ZNF423: variants seen among roughly 807,000 people sequenced by gnomAD.
ZNF423 encodes the protein zinc finger protein 423.
In ZNF423, 12 loss-of-function variants were observed where a neutral mutation model predicts 95.8. That is an observed-to-expected ratio of 0.13 (90% CI 0.08 to 0.20). ZNF423 has a LOEUF of 0.20. Ranked by LOEUF, ZNF423 falls within the 10% of genes least tolerant of loss-of-function variation. ZNF423 has a pLI of 1.00. For missense variants in ZNF423, 1,316 were observed against 1,737.1 expected, an observed-to-expected ratio of 0.76 and a Z score of 4.31; for synonymous variants, 749 against 711.9, an observed-to-expected ratio of 1.05 and a Z score of -0.83.
intron 7 of ZNF423, among the ~76,000 whole-genome samples, chr16:49,509,898 C>T (rs1967811565): frequency 6.6e-6 from 1 of 152,252 alleles, no homozygotes; most frequent in African/African-American, 2.4e-5. Flanking sequence ...AACAGCAGCA[C>T]TGGCTTCATA....
At chr16:49,709,623 T>C (rs1428630283) in intron 3 of ZNF423, among the ~76,000 whole-genome samples, 2 of 152,172 alleles carry the variant, frequency 1.3e-5, no homozygotes, top group Non-Finnish European at 1.5e-5. Context: ...AAAATTTGTA[T>C]GTTGAAACCT....
intron 3 of ZNF423, among the ~76,000 whole-genome samples, chr16:49,685,072 C>A (rs2031512085): frequency 6.6e-6 from 1 of 152,144 alleles, no homozygotes; most frequent in African/African-American, 2.4e-5. Flanking sequence ...AGGCTGCCCC[C>A]ATCTGGGGCC....
At chr16:49,808,907 G>A (rs2034707474) in intron 1 of ZNF423, among the ~76,000 whole-genome samples, 1 of 152,164 alleles carries the variant, frequency 6.6e-6, no homozygotes, top group Non-Finnish European at 1.5e-5. Context: ...CAAGGCTCAG[G>A]GGAAGCCAAG....
chr16:49,842,680 C>T (rs909634005), intron 1 of ZNF423, among the ~76,000 whole-genome samples: 17 of 151,934 alleles, frequency 1.1e-4, no homozygotes, highest in Middle Eastern at 3.4e-3. Flanking sequence ...AAAAAGAAAA[C>T]GGAAAGAGAA....
At chr16:49,538,807 G>A (rs542895259) in intron 5 of ZNF423, among the ~76,000 whole-genome samples, 4 of 152,292 alleles carry the variant, frequency 2.6e-5, no homozygotes, top group East Asian at 3.9e-4. Context: ...AGGAGTTTTC[G>A]TTGCACCCAA....
intron 7 of ZNF423, among the ~76,000 whole-genome samples, chr16:49,507,881 T>C (rs1352456091): frequency 1.3e-5 from 2 of 152,214 alleles, no homozygotes; most frequent in Admixed American, 6.5e-5. Context: ...AGGCCAGTTG[T>C]GGGCTGTGTT....
intron 5 of ZNF423, among the ~76,000 whole-genome samples, chr16:49,585,192 A>G (rs1312131754): frequency 1.3e-5 from 2 of 152,214 alleles, no homozygotes; most frequent in African/African-American, 4.8e-5. Flanking sequence ...CAGGGTAGCA[A>G]GACCTGATGG....
intron 7 of ZNF423, among the ~76,000 whole-genome samples, chr16:49,519,109 A>G (rs761348053): frequency 1.1e-4 from 16 of 152,168 alleles, no homozygotes; most frequent in Non-Finnish European, 8.8e-5. Flanking sequence ...ATGTATCTGC[A>G]GTTGCCTTTT....
At chr16:49,768,803 C>T (rs77196162) in intron 2 of ZNF423, among the ~76,000 whole-genome samples, 4,204 of 152,120 alleles carry the variant, frequency 0.028, 188 homozygotes, top group African/African-American at 0.096. Flanking sequence ...TTGGTCCCAT[C>T]CTCCCCCGAT....
At chr16:49,743,347 C>T (rs2033454638) in intron 2 of ZNF423, among the ~76,000 whole-genome samples, 2 of 152,160 alleles carry the variant, frequency 1.3e-5, no homozygotes. Flanking sequence ...CTTATCATAG[C>T]AGTCCTCATG....
chr16:49,617,075 C>A (rs1283142803), intron 5 of ZNF423, among the ~76,000 whole-genome samples: 1 of 152,142 alleles, frequency 6.6e-6, no homozygotes, highest in Non-Finnish European at 1.5e-5. Context: ...TCAATAATAC[C>A]CTTCCTACTT....
intron 2 of ZNF423, among the ~76,000 whole-genome samples, chr16:49,760,062 T>C (rs931781717): frequency 6.9e-6 from 1 of 144,084 alleles, no homozygotes; most frequent in African/African-American, 2.6e-5. Flanking sequence ...GATTAATGAC[T>C]GAATGGACAG....
chr16:49,835,048 C>G (rs901929922), intron 1 of ZNF423, among the ~76,000 whole-genome samples: 4 of 152,042 alleles, frequency 2.6e-5, no homozygotes, highest in African/African-American at 9.7e-5. Flanking sequence ...CTCAGAATCA[C>G]CTCCGGATTA....
chr16:49,518,585 CA>C (rs559016569), intron 7 of ZNF423: 72,297 of 338,180 alleles, frequency 0.21, 10 homozygotes, highest in South Asian at 0.32. Context: ...TGTTCCATTG[CA>C]AAAAAAAAAA....
chr16:49,554,495 C>T (rs932301721), intron 5 of ZNF423, among the ~76,000 whole-genome samples: 7 of 152,196 alleles, frequency 4.6e-5, no homozygotes, highest in Non-Finnish European at 1.0e-4. Flanking sequence ...GCTCTAAATG[C>T]CAAGAATCGA....
chr16:49,780,684 C>T lies in ZNF423; in HGVS notation c.100+8803G>A, dbSNP rs562486629. The T allele has an allele frequency of 3.9e-3, 590 of 152,304 alleles. 3 individuals are homozygous for T. The highest frequency in any genetic ancestry group is 4.9e-3 in the Non-Finnish European group (330 of 68,036). 9.4% of individuals were successfully genotyped at this position (152,304 alleles called of 1,614,324 possible). On this transcript the variant is annotated intron_variant, in intron 2 of 7. Coordinates refer to ENST00000563137, the MANE Select transcript of ZNF423 (RefSeq NM_001379286.1). ...GGGGTCCATGGAGCCAACCCGCCAG[C>T]GCATGCCTGCCACGCTCCCCCGGTG...
chr16:49,675,966 A>G (rs2031029435), intron 3 of ZNF423, among the ~76,000 whole-genome samples: 1 of 152,218 alleles, frequency 6.6e-6, no homozygotes, highest in African/African-American at 2.4e-5. Flanking sequence ...GCACCTGCAT[A>G]CATATGCATG....
chr16:49,818,049 C>T (rs916681212), intron 1 of ZNF423, among the ~76,000 whole-genome samples: 4 of 152,132 alleles, frequency 2.6e-5, no homozygotes, highest in African/African-American at 7.2e-5. Flanking sequence ...AAAGGCCCAT[C>T]CAGTGCCAGG....
At chr16:49,602,544 C>T (rs1479819901) in intron 5 of ZNF423, among the ~76,000 whole-genome samples, 1 of 152,108 alleles carries the variant, frequency 6.6e-6, no homozygotes, top group Non-Finnish European at 1.5e-5. Flanking sequence ...CTCCAGGTAG[C>T]CTAATGTGGG....
Sources: allele counts gnomAD v4.1 joint callset (sites outside exome capture counted in the v4.1 genomes callset), GRCh38; gene constraint gnomAD v4.1.1; transcripts MANE v1.5; gene names NCBI Gene and HGNC (gene_info 2026-07-23, HGNC 2026-07-21).